The following IRAG2 variants were observed in gnomAD, a reference collection of about 807,000 sequenced individuals.
IRAG2 encodes lymphoid restricted membrane protein.
In IRAG2, 45 loss-of-function variants were observed where a neutral mutation model predicts 69.9. The observed-to-expected ratio is 0.64, with a 90% confidence interval of 0.51 to 0.83. The LOEUF is 0.83. Ranked by LOEUF, IRAG2 falls within the 40% of genes least tolerant of loss-of-function variation. IRAG2 has a pLI of 0.00. For missense variants in IRAG2, 520 were observed against 587.0 expected (o/e 0.89, Z 1.18); for synonymous variants, 193 against 202.4 (o/e 0.95, Z 0.40).
At chr12:25,012,691 G>A (rs748930125) in intron 3 of IRAG2, among the ~76,000 whole-genome samples, 2 of 152,130 alleles carry the variant, frequency 1.3e-5, no homozygotes, top group Non-Finnish European at 1.5e-5. Flanking sequence ...AGCTGGGCGT[G>A]GTGGTTCACG....
At chr12:25,005,415 T>TCTCACAATAGAAAGTTC in intron 2 of IRAG2, 1 of 679,766 alleles carries the variant, frequency 1.5e-6, no homozygotes, top group Non-Finnish European at 2.1e-6. Flanking sequence ...CTGAACTTTC[T>TCTCACAATAGAAAGTTC]ATTGTGAGAG....
chr12:25,007,751 A>C (rs1397387333), intron 2 of IRAG2, among the ~76,000 whole-genome samples: 1 of 152,160 alleles, frequency 6.6e-6, no homozygotes, highest in Non-Finnish European at 1.5e-5. Flanking sequence ...CGAACTCCTG[A>C]CCTCAGGTGA....
chr12:25,021,697 G>A (rs1944582663), intron 7 of IRAG2, among the ~76,000 whole-genome samples: 1 of 152,200 alleles, frequency 6.6e-6, no homozygotes, highest in Non-Finnish European at 1.5e-5. Flanking sequence ...CTATGGTAAG[G>A]AGTGGCTGAA....
At chr12:25,048,652 C>A (rs1051316527), upstream of IRAG2, among the ~76,000 whole-genome samples, 1 of 152,140 alleles carries the variant, frequency 6.6e-6, no homozygotes, top group African/African-American at 2.4e-5. Flanking sequence ...CTTGCAGACT[C>A]TGGATATTAA....
intron 1 of IRAG2, among the ~76,000 whole-genome samples, chr12:25,053,409 T>C (rs1944987583): frequency 6.6e-6 from 1 of 152,072 alleles, no homozygotes; most frequent in Admixed American, 6.6e-5. Flanking sequence ...AAAATAATTA[T>C]GAATTCAGTG....
chr12:25,015,654 C>G (rs1344137037), intron 5 of IRAG2, among the ~76,000 whole-genome samples: 1 of 152,228 alleles, frequency 6.6e-6, no homozygotes, highest in African/African-American at 2.4e-5. Flanking sequence ...ATCACTTGCT[C>G]TCTCATGAAA....
Position 25,104,036 on chromosome 12 carries a change from T to G in IRAG2, c.1024T>G (p.Phe342Val), listed in dbSNP as rs769351442. ...MVAGMENNDRFSRRSSSWRIL... is the reference protein window; with the variant it reads ...MVAGMENNDRVSRRSSSWRIL... ...GGCTGGGATGGAAAATAATGATCGATTCAGTAGAAGGTCAAGCAGTTGGTA... is the reference window on the plus strand; with the variant it reads ...GGCTGGGATGGAAAATAATGATCGAGTCAGTAGAAGGTCAAGCAGTTGGTA... Residue 342 changes from phenylalanine (F) to valine (V), a missense_variant, in exon 19 of 22, where the codon TTC becomes GTC. Coordinates refer to ENST00000556887, the MANE Select transcript of IRAG2 (RefSeq NM_001366544.2). 5.0e-6 allele frequency: 8 copies of G among 1,613,594 alleles called. No homozygotes were observed. Among genetic ancestry groups the G allele is most frequent in the Non-Finnish European group, 6.8e-6 (8 of 1,179,760 alleles).
chr12:25,063,661 A>G (rs1945782459), intron 3 of IRAG2, 59 bp from the exon 4 acceptor site: 2 of 398,366 alleles, frequency 5.0e-6, no homozygotes, highest in Admixed American at 4.4e-5. Flanking sequence ...GAGGTAGTAG[A>G]TTATGAAATA....
At chr12:25,017,585 G>A (rs1443790081) in intron 6 of IRAG2, among the ~76,000 whole-genome samples, 1 of 152,060 alleles carries the variant, frequency 6.6e-6, no homozygotes, top group Non-Finnish European at 1.5e-5. Context: ...GGGCATGGTG[G>A]CACGAGCCTG....
At chr12:25,064,252 A>C (rs1330035524) in intron 4 of IRAG2, among the ~76,000 whole-genome samples, 1 of 152,246 alleles carries the variant, frequency 6.6e-6, no homozygotes, top group Non-Finnish European at 1.5e-5. Flanking sequence ...TTGAAAGATT[A>C]GTTGGCTTTG....
chr12:25,032,928 C>G (rs1342840925), intron 12 of IRAG2, among the ~76,000 whole-genome samples: 2 of 151,148 alleles, frequency 1.3e-5, no homozygotes, highest in Non-Finnish European at 2.9e-5. Context: ...TTGCTTTTCC[C>G]TTACCCTGGA....
chr12:25,083,528 G>A, intron 10 of IRAG2, 35 bp downstream of exon 10: 4 of 1,307,154 alleles, frequency 3.1e-6, no homozygotes, highest in South Asian at 1.2e-5. Context: ...CAAAGGTGGT[G>A]GTATCTTACA....
rs1321532842 is a variant in IRAG2, at chr12:25,107,874, T to A, written c.1314T>A (p.Asn438Lys). 1.2e-6 allele frequency: 2 copies of A among 1,614,200 alleles called. No homozygotes were observed. The highest frequency in any genetic ancestry group is 1.7e-6 in the Non-Finnish European group (2 of 1,179,984). The change falls in exon 22 of 22, where the codon AAT (asparagine) becomes AAA (lysine). Residue 438 changes from asparagine to lysine, a missense_variant. By Grantham distance (94) the Asn-to-Lys change is moderately conservative. Transcript: ENST00000556887. ...TCAAGTCCTCCATCAGAAAGGCTAA[T>A]AAGGCCCTCTGGCTCTCTATTGCAT... Reference protein sequence around the residue: ...TNLKSSIRKANKALWLSIAFI... With the variant: ...TNLKSSIRKAKKALWLSIAFI...
intron 9 of IRAG2, chr12:25,026,916 T>A: frequency 1.0e-6 from 1 of 954,772 alleles, no homozygotes; most frequent in Non-Finnish European, 1.4e-6. Flanking sequence ...GTCAAACCAG[T>A]ATTATTTTAT....
chr12:25,044,240 A>G (rs1944773835), intron 16 of IRAG2, among the ~76,000 whole-genome samples: 1 of 152,122 alleles, frequency 6.6e-6, no homozygotes. Context: ...TGTACGCTCC[A>G]TGGTAATGCC....
At chr12:25,012,218 A>C (rs1302895988) in intron 3 of IRAG2, among the ~76,000 whole-genome samples, 1 of 142,366 alleles carries the variant, frequency 7.0e-6, no homozygotes, top group Non-Finnish European at 1.5e-5. Flanking sequence ...ACAGTGATGC[A>C]ATCTCTGCTC....
chr12:25,093,950 G>A (rs752179877), intron 14 of IRAG2: 6 of 152,222 alleles, frequency 3.9e-5, no homozygotes, highest in Non-Finnish European at 7.4e-5. Context: ...ATTTTTAATT[G>A]TTGAGTTGCA....
upstream of IRAG2, among the ~76,000 whole-genome samples, chr12:25,004,191 CTG>C: frequency 6.6e-6 from 1 of 152,324 alleles, no homozygotes; most frequent in South Asian, 2.1e-4. Context: ...CTTAGAGAAA[CTG>C]AGCATCTTGT....
At chr12:25,049,922 G>A (rs1386338695), upstream of IRAG2, among the ~76,000 whole-genome samples, 4 of 138,470 alleles carry the variant, frequency 2.9e-5, no homozygotes, top group Admixed American at 8.2e-5. Context: ...GGCGGAGCTT[G>A]CAGTGAGCCA....
Sources: allele counts gnomAD v4.1 joint callset (sites outside exome capture counted in the v4.1 genomes callset), GRCh38; gene constraint gnomAD v4.1.1; transcripts MANE v1.5; gene names NCBI Gene and HGNC (gene_info 2026-07-23, HGNC 2026-07-21).